Variants in BFSP1 observed in about 807,000 individuals in gnomAD.
The protein encoded by BFSP1 is filensin.
A neutral mutation model predicts 43.9 loss-of-function variants in BFSP1; 38 were observed. The observed-to-expected ratio is 0.87, with a 90% CI of 0.67 to 1.14. The LOEUF is 1.14. Among genes scored for constraint, BFSP1 ranks in the 50% most tolerant of loss-of-function variants. BFSP1 has a pLI of 0.00. For synonymous variants in BFSP1, 352 were observed against 354.8 expected (o/e 0.99, Z 0.09); for missense variants, 850 against 875.1 (o/e 0.97, Z 0.36).
chr20:17,507,328 TATAG>T lies in BFSP1; in HGVS notation c.735+1557_735+1560del, dbSNP rs1284285947. ...GTGTATTTCAACATATCCATATGGA[TATAG>T]AGAGATAAAACAAGGGCTTCACAAA... On this transcript the variant is annotated intron_variant, in intron 5 of 7. Coordinates refer to ENST00000377873, the MANE Select transcript of BFSP1 (RefSeq NM_001195.5). This position sits in a 1 kb window ranked among gnomAD's most constrained non-coding sequence, Gnocchi z 4.4. 6.6e-6 allele frequency among the ~76,000 whole-genome samples: 1 copy of T among 151,920 alleles called. No individual in the cohort carries two copies. Among genetic ancestry groups the T allele is most frequent in the African/African-American group, 2.4e-5 (1 of 41,310 alleles).
intron 1 of BFSP1, chr20:17,541,042 G>A (rs2034707349): frequency 6.5e-6 from 1 of 153,162 alleles, no homozygotes; most frequent in Non-Finnish European, 1.4e-5. Flanking sequence ...GTGAATATTA[G>A]AGCCAGGAGC....
In BFSP1 at chr20:17,525,881, T is replaced by G. The variant is rs540454325; in HGVS notation, c.378-973A>C. Among the ~76,000 whole-genome samples the G allele has an allele frequency of 2.4e-4, 36 of 152,246 alleles. No individual in the cohort carries two copies. The East Asian group carries it at 6.6e-3, about 28-fold the overall frequency. ...AATGGGATGGAAGCATAAGTCTGCATGGCAGCTTCCAGATACCTTTAGTTA... is the reference window on the plus strand; with the variant it reads ...AATGGGATGGAAGCATAAGTCTGCAGGGCAGCTTCCAGATACCTTTAGTTA... On this transcript the variant is annotated intron_variant, in intron 1 of 7. Coordinates refer to ENST00000377873, the MANE Select transcript of BFSP1 (RefSeq NM_001195.5). The surrounding 1 kb of genome is among the most constrained non-coding windows in gnomAD (Gnocchi z 4.2).
rs2033591934 is a variant in BFSP1, at chr20:17,494,838, A to C, written c.1234T>G (p.Phe412Val). ...VVLKEESESK[F>V]ESESKEVSPL... ...CTTACTTCTTTACTTTCTGATTCAAACTTAGATTCACTTTCCTCTTTAAGT... is the reference window on the plus strand; with the variant it reads ...CTTACTTCTTTACTTTCTGATTCAACCTTAGATTCACTTTCCTCTTTAAGT... The change falls in exon 8 of 8, where the codon TTT (phenylalanine) becomes GTT (valine). Residue 412 changes from phenylalanine (F) to valine (V), a missense_variant. Physicochemically the swap from Phe to Val is conservative, Grantham distance 50 (BLOSUM62 -1). Transcript: ENST00000377873. 6.2e-6 allele frequency: 10 copies of C among 1,614,100 alleles called. No individual in the cohort carries two copies. The African/African-American group carries it at 6.7e-5, about 11-fold the overall frequency.
At chr20:17,531,483 G>A (rs1195496455), upstream of BFSP1, 3 of 1,104,860 alleles carry the variant, frequency 2.7e-6, no homozygotes, top group Admixed American at 4.5e-5. Context: ...CGCTGGGCCC[G>A]GGCGCGGGAG....
intron 2 of BFSP1, among the ~76,000 whole-genome samples, chr20:17,516,327 C>CA (rs544511814): frequency 5.4e-4 from 82 of 151,852 alleles, no homozygotes; most frequent in Admixed American, 1.1e-3. Flanking sequence ...AACTCCATCT[C>CA]AAAAAAAATT....
rs549462369 is a variant in BFSP1, at chr20:17,531,223, G to C, written c.107C>G (p.Ala36Gly). The C allele has an allele frequency of 7.2e-7, 1 of 1,381,048 alleles. No homozygotes were observed. Among genetic ancestry groups the C allele is most frequent in the East Asian group, 3.1e-5 (1 of 31,934 alleles). 85.5% of individuals were successfully genotyped at this position (1,381,048 alleles called of 1,614,324 possible). A position where few individuals can be genotyped will look rare whatever the true frequency, so the allele number is the denominator to read the frequency against. ...CAGCGCCGCCAGGCTCGTTGCCCCA[G>C]CCCAGCCCTCGTCGGCCGGGCGCTC... Reference protein sequence around the residue: ...EPERPADEGWAGATSLAALQG... With the variant: ...EPERPADEGWGGATSLAALQG... Residue 36 changes from alanine to glycine, a missense_variant, in exon 1 of 8, where the codon GCT becomes GGT. Transcript: ENST00000377873.
intron 2 of BFSP1, chr20:17,517,188 C>G: frequency 1.2e-6 from 1 of 835,174 alleles, no homozygotes. Flanking sequence ...AATTAGTCAC[C>G]TTCATCGAGA....
In BFSP1 at chr20:17,502,673, C is replaced by T. The variant is rs191470075; in HGVS notation, c.736-3633G>A. 1.1e-3 allele frequency among the ~76,000 whole-genome samples: 169 copies of T among 152,256 alleles called. 2 individuals carry two copies. Among genetic ancestry groups the T allele is most frequent in the Non-Finnish European group, 8.8e-4 (60 of 68,006 alleles). ...CTACTGTGCTGTTTTTGCAACTTTTCAAAAATCTAAAATTACTTCTGAATA... is the reference window on the plus strand; with the variant it reads ...CTACTGTGCTGTTTTTGCAACTTTTTAAAAATCTAAAATTACTTCTGAATA... On this transcript the variant is annotated intron_variant, in intron 5 of 7. Coordinates refer to ENST00000377873, the MANE Select transcript of BFSP1 (RefSeq NM_001195.5).
intron 5 of BFSP1, among the ~76,000 whole-genome samples, chr20:17,506,513 T>C (rs1183273298): frequency 1.3e-5 from 2 of 151,792 alleles, no homozygotes; most frequent in Admixed American, 6.6e-5. Context: ...ACTGTTTTAA[T>C]ATAATTAGTT....
intron 7 of BFSP1, among the ~76,000 whole-genome samples, chr20:17,496,606 G>A (rs1375871609): frequency 2.6e-5 from 4 of 152,180 alleles, no homozygotes; most frequent in Non-Finnish European, 5.9e-5. Context: ...ATATTGAGTT[G>A]TACTTTTTGC....
At position 17,520,352 on chromosome 20, in the gene BFSP1, A is replaced by G. The variant is rs1235944397; in HGVS notation, c.438+4496T>C. Reference sequence around the variant, plus strand: ...AGAATTTGGAGCATTATTGAAAATCAGCCCTTTTTTAACTCAAATGGTGGG... The same window carrying G: ...AGAATTTGGAGCATTATTGAAAATCGGCCCTTTTTTAACTCAAATGGTGGG... On this transcript the variant is annotated intron_variant, in intron 2 of 7. Coordinates refer to ENST00000377873, the MANE Select transcript of BFSP1 (RefSeq NM_001195.5). Among the ~76,000 whole-genome samples, 5 of 152,200 alleles carry G rather than the reference A, an allele frequency of 3.3e-5. No homozygotes were observed. The East Asian group carries it at 9.6e-4, about 29-fold the overall frequency.
chr20:17,523,878 A>G (rs933165256), intron 2 of BFSP1, among the ~76,000 whole-genome samples: 1 of 152,112 alleles, frequency 6.6e-6, no homozygotes, highest in South Asian at 2.1e-4. Flanking sequence ...AAGGCTGGAC[A>G]AAGTGAAGGG....
intron 1 of BFSP1, among the ~76,000 whole-genome samples, chr20:17,548,194 A>AAAG: frequency 7.4e-6 from 1 of 135,106 alleles, no homozygotes. Context: ...AAAAAAAAAA[A>AAAG]AAAAAGAAAA....
intron 1 of BFSP1, among the ~76,000 whole-genome samples, chr20:17,567,505 A>G (rs1156979157): frequency 6.6e-6 from 1 of 151,998 alleles, no homozygotes; most frequent in East Asian, 1.9e-4. Context: ...CTAAGACTCC[A>G]CCCCTCAACC....
At chr20:17,550,665 G>A (rs769204832) in intron 1 of BFSP1, among the ~76,000 whole-genome samples, 1 of 152,036 alleles carries the variant, frequency 6.6e-6, no homozygotes, top group Non-Finnish European at 1.5e-5. Flanking sequence ...TAGAGATGGG[G>A]TTTCACCATG....
intron 7 of BFSP1, 148 bp downstream of exon 7, chr20:17,496,790 C>A (rs1600628605): frequency 4.4e-6 from 3 of 684,224 alleles, no homozygotes; most frequent in Non-Finnish European, 6.8e-6. Flanking sequence ...CCAGAGAGGG[C>A]AGAGGGTGGG....
intron 5 of BFSP1, among the ~76,000 whole-genome samples, chr20:17,508,376 CA>C (rs2033991182): frequency 6.6e-6 from 1 of 152,204 alleles, no homozygotes; most frequent in South Asian, 2.1e-4. Flanking sequence ...TTTCCACCAA[CA>C]CGTTTCTAAC....
chr20:17,545,262 G>C (rs142705032), intron 1 of BFSP1, among the ~76,000 whole-genome samples: 6 of 152,260 alleles, frequency 3.9e-5, no homozygotes, highest in African/African-American at 1.4e-4. Context: ...TTGCGGGCTG[G>C]GCTGGACGAA....
chr20:17,559,383 A>C (rs1244782111), upstream of BFSP1, among the ~76,000 whole-genome samples: 1 of 152,238 alleles, frequency 6.6e-6, no homozygotes, highest in Non-Finnish European at 1.5e-5. Flanking sequence ...AGACTGTGCC[A>C]GGCACTCAGT....
Sources: allele counts gnomAD v4.1 joint callset (sites outside exome capture counted in the v4.1 genomes callset), GRCh38; gene constraint gnomAD v4.1.1; non-coding constraint Gnocchi (gnomAD v3.1); transcripts MANE v1.5; gene names NCBI Gene and HGNC (gene_info 2026-07-23, HGNC 2026-07-21).